The following AMPH variants were observed in gnomAD, a reference collection of about 807,000 sequenced individuals.
AMPH encodes the protein amphiphysin (Stiff-Mann syndrome with breast cancer 128kD autoantigen).
AMPH carries 49 observed loss-of-function variants against 99.1 expected under a neutral mutation model. That is an observed-to-expected ratio of 0.49 (90% CI 0.39 to 0.63). The LOEUF (loss-of-function observed/expected upper bound fraction) is 0.63. AMPH is among the 20% of genes least tolerant of loss of function. The pLI is 0.00. For synonymous variants in AMPH, 314 were observed against 317.3 expected, an observed-to-expected ratio of 0.99 and a Z score of 0.11; for missense variants, 759 against 863.4, an observed-to-expected ratio of 0.88 and a Z score of 1.52.
chr7:38,489,707 G>A (rs991087906), intron 5 of AMPH, among the ~76,000 whole-genome samples: 2 of 151,976 alleles, frequency 1.3e-5, no homozygotes, highest in Non-Finnish European at 2.9e-5. Flanking sequence ...CTTAAAAATC[G>A]GCAATGGACT....
At chr7:38,463,356 C>A in intron 9 of AMPH, 1 of 608,714 alleles carries the variant, frequency 1.6e-6, no homozygotes, top group South Asian at 1.6e-5. Flanking sequence ...GTTTTATTGT[C>A]CCCACTTTAC....
At chr7:38,535,079 T>C in intron 1 of AMPH, 68 bp from the exon 2 acceptor site, 1 of 1,379,524 alleles carries the variant, frequency 7.2e-7, no homozygotes, top group South Asian at 1.2e-5. Context: ...GCATTTTCTG[T>C]TAATGGAGCA....
intron 1 of AMPH, among the ~76,000 whole-genome samples, chr7:38,565,008 C>A (rs1369918580): frequency 4.0e-5 from 6 of 151,678 alleles, no homozygotes; most frequent in Non-Finnish European, 8.8e-5. Flanking sequence ...CCTGTAGTCC[C>A]AGCTACTCGG....
chr7:38,571,617 AAAAT>A (rs1792042415), intron 1 of AMPH, among the ~76,000 whole-genome samples: 1 of 147,888 alleles, frequency 6.8e-6, no homozygotes, highest in East Asian at 1.9e-4. Context: ...ATAAAGAAAG[AAAAT>A]ATTTTTGTAC....
chr7:38,605,564 G>T (rs534726723), intron 1 of AMPH, among the ~76,000 whole-genome samples: 2 of 151,048 alleles, frequency 1.3e-5, no homozygotes, highest in East Asian at 3.9e-4. Context: ...TTTTCTTTTC[G>T]TTTTTTCTTT....
chr7:38,438,862 A>C (rs143094622), intron 11 of AMPH, among the ~76,000 whole-genome samples: 7 of 152,352 alleles, frequency 4.6e-5, no homozygotes, highest in African/African-American at 1.7e-4. Flanking sequence ...GAAATACTCA[A>C]AATGGAAATG....
chr7:38,406,936 T>C (rs1317720478), intron 17 of AMPH, among the ~76,000 whole-genome samples: 1 of 148,202 alleles, frequency 6.7e-6, no homozygotes, highest in Non-Finnish European at 1.5e-5. Flanking sequence ...GCCTTGCTAC[T>C]GGTTTCTCTC....
In AMPH at chr7:38,458,358, C is replaced by T. The variant is rs1258061394; in HGVS notation, c.1017+2925G>A. 2.0e-5 allele frequency among the ~76,000 whole-genome samples: 3 copies of T among 152,120 alleles called. No individual in the cohort carries two copies. The East Asian group carries it at 5.8e-4, about 29-fold the overall frequency. Reference sequence around the variant, plus strand: ...AAAGAACTCTCCCTAACTCATTCTACAAGGCCAGCACTATCTTAATACCAA... The same window carrying T: ...AAAGAACTCTCCCTAACTCATTCTATAAGGCCAGCACTATCTTAATACCAA... On this transcript the variant is annotated intron_variant, in intron 11 of 20. Transcript: ENST00000356264.
chr7:38,630,053 T>C (rs957655295), intron 1 of AMPH, among the ~76,000 whole-genome samples: 2 of 152,178 alleles, frequency 1.3e-5, no homozygotes, highest in African/African-American at 4.8e-5. Context: ...CAGCCGGAAC[T>C]GGGAGGCAGC....
intron 1 of AMPH, among the ~76,000 whole-genome samples, chr7:38,551,322 A>T (rs928142969): frequency 6.6e-6 from 1 of 152,046 alleles, no homozygotes; most frequent in East Asian, 1.9e-4. Context: ...CAGCAACCAA[A>T]TCCCTCCTCA....
At chr7:38,614,653 T>C (rs1047344849) in intron 1 of AMPH, among the ~76,000 whole-genome samples, 4 of 152,210 alleles carry the variant, frequency 2.6e-5, no homozygotes, top group African/African-American at 9.7e-5. Flanking sequence ...AAAGGTTTTG[T>C]AAGATGTTCA....
intron 3 of AMPH, among the ~76,000 whole-genome samples, chr7:38,496,403 C>T (rs543636074): frequency 5.9e-5 from 9 of 152,238 alleles, no homozygotes; most frequent in African/African-American, 1.4e-4. Context: ...GCACATTCCA[C>T]GAAGCCCTTG....
At chr7:38,553,651 A>C (rs944334058) in intron 1 of AMPH, among the ~76,000 whole-genome samples, 2 of 152,232 alleles carry the variant, frequency 1.3e-5, no homozygotes, top group Non-Finnish European at 2.9e-5. Context: ...TATTCAGATT[A>C]AATATTGTCC....
intron 2 of AMPH, among the ~76,000 whole-genome samples, chr7:38,526,433 CTTTT>C (rs33974810): frequency 5.5e-5 from 4 of 72,566 alleles, no homozygotes; most frequent in Non-Finnish European, 6.9e-5. Context: ...CCATGCCCGG[CTTTT>C]TTTTTTTTTT....
chr7:38,532,478 A>C (rs534031031), intron 2 of AMPH, among the ~76,000 whole-genome samples: 7 of 152,196 alleles, frequency 4.6e-5, no homozygotes, highest in Non-Finnish European at 1.0e-4. Flanking sequence ...CACACGTTTT[A>C]AAATCTGCTA....
intron 12 of AMPH, among the ~76,000 whole-genome samples, chr7:38,434,111 A>T (rs1411791573): frequency 6.6e-6 from 1 of 152,150 alleles, no homozygotes; most frequent in Non-Finnish European, 1.5e-5. Flanking sequence ...CTATAGTGTA[A>T]TGACTCAGTT....
chr7:38,603,578 A>G (rs538336190), intron 1 of AMPH, among the ~76,000 whole-genome samples: 2 of 152,314 alleles, frequency 1.3e-5, no homozygotes, highest in South Asian at 4.1e-4. Flanking sequence ...ACATGCTTCC[A>G]TGGTGGCTTA....
chr7:38,439,877 G>A (rs994827567), intron 11 of AMPH, among the ~76,000 whole-genome samples: 1 of 152,130 alleles, frequency 6.6e-6, no homozygotes, highest in Non-Finnish European at 1.5e-5. Context: ...TGCAATTTGA[G>A]CATAATCGGC....
At chr7:38,393,932 T>C in intron 18 of AMPH, 73 bp downstream of exon 18, 1 of 1,468,022 alleles carries the variant, frequency 6.8e-7, no homozygotes, top group Non-Finnish European at 9.5e-7. Flanking sequence ...GTTATCACCA[T>C]GAACCAACCA....
Sources: allele counts gnomAD v4.1 joint callset (sites outside exome capture counted in the v4.1 genomes callset), GRCh38; gene constraint gnomAD v4.1.1; transcripts MANE v1.5; gene names NCBI Gene and HGNC (gene_info 2026-07-23, HGNC 2026-07-21).